The following SPIC variants were observed in gnomAD, a reference collection of about 807,000 sequenced individuals.
The protein encoded by SPIC is transcription factor Spi-C.
In SPIC, 9 loss-of-function variants were observed where a neutral mutation model predicts 16.7. That is an observed-to-expected ratio of 0.54 (90% CI 0.33 to 0.94). The LOEUF is 0.94. Ranked by LOEUF, SPIC falls within the 40% of genes least tolerant of loss-of-function variation. SPIC has a pLI of 0.03. For synonymous variants in SPIC, 97 were observed against 102.9 expected, an observed-to-expected ratio of 0.94 and a Z score of 0.35; for missense variants, 241 against 285.8, an observed-to-expected ratio of 0.84 and a Z score of 1.13.
At chr12:101,481,883 C>T (rs1489679176) in intron 4 of SPIC, among the ~76,000 whole-genome samples, 1 of 144,350 alleles carries the variant, frequency 6.9e-6, no homozygotes, top group African/African-American at 2.5e-5. Flanking sequence ...GAACTCTTGA[C>T]TTCAGGCGAT....
intron 4 of SPIC, among the ~76,000 whole-genome samples, chr12:101,480,368 G>C (rs950955397): frequency 2.0e-5 from 3 of 152,158 alleles, no homozygotes; most frequent in African/African-American, 7.2e-5. Context: ...CCCTGCACTG[G>C]TTTTACCTAC....
chr12:101,478,194 T>G (rs1254028585), intron 3 of SPIC, among the ~76,000 whole-genome samples: 2 of 151,470 alleles, frequency 1.3e-5, no homozygotes, highest in South Asian at 2.1e-4. Context: ...ACCATGCCCA[T>G]CTAATTTTTT....
rs755087495 is a variant in SPIC, at chr12:101,486,736, GCCAATTA to G, written c.716_722del (p.Asn239MetfsTer3). 3.6e-5 allele frequency: 58 copies of G among 1,592,112 alleles called. No homozygotes were observed. In the African/African-American group the frequency reaches 7.7e-4, roughly 21 times the overall value. ...GAATGCAAATTATAATTATACATAT[GCCAATTA>G]CCATGAGCTAAATCACCATGATTGC... On this transcript the variant is annotated frameshift_variant, in exon 6 of 6. Coordinates refer to ENST00000551346, the MANE Select transcript of SPIC (RefSeq NM_152323.3). LOFTEE classifies it low-confidence loss of function (END_TRUNC).
At position 101,486,669 on chromosome 12, in the gene SPIC, G is replaced by C. The variant is rs141942673; in HGVS notation, c.645G>C (p.Gln215His). The change falls in exon 6 of 6, where the codon CAG becomes CAC. Residue 215 changes from glutamine to histidine, a missense_variant. By Grantham distance (24) the Gln-to-His change is conservative. Transcript: ENST00000551346. Reference protein sequence around the residue: ...YFLGKEIFYSQCVQPDQEYLS... With the variant: ...YFLGKEIFYSHCVQPDQEYLS... ...TGGGGAAAGAGATCTTCTATTCACAGTGTGTTCAACCTGATCAAGAATATC... is the reference window on the plus strand; with the variant it reads ...TGGGGAAAGAGATCTTCTATTCACACTGTGTTCAACCTGATCAAGAATATC... The C allele has an allele frequency of 2.0e-5, 33 of 1,613,804 alleles. No homozygotes were observed. In the African/African-American group the frequency reaches 3.7e-4, roughly 18 times the overall value.
intron 3 of SPIC, 61 bp from the exon 4 acceptor site, chr12:101,479,519 CAT>C: frequency 2.4e-6 from 3 of 1,231,718 alleles, no homozygotes; most frequent in African/African-American, 1.5e-5. Context: ...TATATACACA[CAT>C]ATTTATATGC....
Position 101,486,911 on chromosome 12 carries a change from T to G in SPIC, c.*140T>G, listed in dbSNP as rs1231699187. The G allele has an allele frequency of 3.0e-6, 2 of 674,658 alleles. No homozygotes were observed. Among genetic ancestry groups the G allele is most frequent in the African/African-American group, 3.6e-5 (2 of 55,318 alleles). The allele number at this position is 674,658 out of a possible 1,614,324, so 41.8% of individuals were successfully genotyped here. A position where few individuals can be genotyped will look rare whatever the true frequency, so the allele number is the denominator to read the frequency against. ...AGCAAATACTAAAGAGGAAAAAAAA[T>G]TAACTTTATTGTTGCTTTTATCAAA... On this transcript the variant is annotated 3_prime_UTR_variant, in exon 6 of 6. Coordinates refer to ENST00000551346, the MANE Select transcript of SPIC (RefSeq NM_152323.3).
chr12:101,476,576 A>G (rs1031780085), intron 1 of SPIC, among the ~76,000 whole-genome samples: 7 of 152,128 alleles, frequency 4.6e-5, no homozygotes, highest in Non-Finnish European at 4.4e-5. Flanking sequence ...ACTTTCTCTT[A>G]TCAATCAAGC....
At chr12:101,479,732 C>G (rs376103421) in intron 4 of SPIC, 38 bp downstream of exon 4, 1 of 1,443,394 alleles carries the variant, frequency 6.9e-7, no homozygotes. Context: ...AGGCAAATAT[C>G]CTATTCTTGC....
At position 101,477,665 on chromosome 12, in the gene SPIC, A is replaced by T; in HGVS notation, c.97+14A>T. On this transcript the variant is annotated intron_variant, in intron 3 of 5. Coordinates refer to ENST00000551346, the MANE Select transcript of SPIC (RefSeq NM_152323.3). ...AGTACTCGCCAGGTAAAGATGAGTC[A>T]TTTACCCTCTTCTGCTGGTACATCA... 1 of 1,600,690 alleles carries T rather than the reference A, an allele frequency of 6.2e-7. No individual in the cohort carries two copies. Among genetic ancestry groups the T allele is most frequent in the East Asian group, 2.2e-5 (1 of 44,816 alleles).
chr12:101,482,602 C>T (rs190695150), intron 4 of SPIC, among the ~76,000 whole-genome samples, 190 bp from the exon 5 acceptor site: 3 of 152,186 alleles, frequency 2.0e-5, no homozygotes, highest in Admixed American at 2.0e-4. Context: ...TACCCTCTGT[C>T]CCCTGGTCCT....
chr12:101,475,560 T>G (rs1401115648), intron 1 of SPIC, 58 bp downstream of exon 1: 2 of 152,206 alleles, frequency 1.3e-5, no homozygotes, highest in Non-Finnish European at 2.9e-5. Context: ...ATTTTTTCCT[T>G]TGGCCTAATG....
chr12:101,479,178 AAG>A (rs1873064133), intron 3 of SPIC, among the ~76,000 whole-genome samples: 1 of 99,552 alleles, frequency 1.0e-5, no homozygotes, highest in South Asian at 4.1e-4. Context: ...AAGAAAAAGA[AAG>A]AAAGAAAGAA....
At chr12:101,483,122 CTG>C (rs1486882324) in intron 5 of SPIC, among the ~76,000 whole-genome samples, 2 of 141,704 alleles carry the variant, frequency 1.4e-5, no homozygotes, top group Admixed American at 7.3e-5. Flanking sequence ...GAGTCTCACT[CTG>C]TTGTCCAGGC....
At chr12:101,479,300 GAAAGAAA>G (rs757923598) in intron 3 of SPIC, among the ~76,000 whole-genome samples, 2,868 of 76,596 alleles carry the variant, frequency 0.037, 368 homozygotes, top group African/African-American at 0.15. Flanking sequence ...AAGAAAGAAA[GAAAGAAA>G]AAAGAAAGAA....
chr12:101,480,550 C>T (rs767761537), intron 4 of SPIC, among the ~76,000 whole-genome samples: 1 of 152,206 alleles, frequency 6.6e-6, no homozygotes, highest in African/African-American at 2.4e-5. Context: ...TTTTATCAAG[C>T]GGTCTTCATG....
intron 3 of SPIC, among the ~76,000 whole-genome samples, chr12:101,478,787 G>T (rs552549466): frequency 1.3e-5 from 2 of 152,110 alleles, no homozygotes; most frequent in African/African-American, 4.8e-5. Flanking sequence ...TAAATAGAAT[G>T]CAAATATGTT....
At chr12:101,479,074 C>T (rs184977715) in intron 3 of SPIC, among the ~76,000 whole-genome samples, 52 of 149,310 alleles carry the variant, frequency 3.5e-4, no homozygotes, top group Non-Finnish European at 4.4e-4. Context: ...GAGGCACAGG[C>T]TGCAGTGAAC....
rs199501054 is a variant in SPIC, at chr12:101,479,172, A to AAAAGAAAGAAAGAAAGAAAG, written c.98-379_98-360dup. ...AAGAAAGAAAAGAAAGAAAGAAAGA[A>AAAAGAAAGAAAGAAAGAAAG]AAAGAAAGAAAGAAAGAAAGAAAGA... On this transcript the variant is annotated intron_variant, in intron 3 of 5. Coordinates refer to ENST00000551346, the MANE Select transcript of SPIC (RefSeq NM_152323.3). 3.3e-3 allele frequency among the ~76,000 whole-genome samples: 271 copies of AAAAGAAAGAAAGAAAGAAAG among 82,914 alleles called. 6 individuals carry two copies. Among genetic ancestry groups the AAAAGAAAGAAAGAAAGAAAG allele is most frequent in the East Asian group, 7.3e-3 (22 of 3,010 alleles). 54.4% of individuals were successfully genotyped at this position (82,914 alleles called of 152,430 possible).
chr12:101,485,522 G>A (rs541791533), intron 5 of SPIC, among the ~76,000 whole-genome samples: 1 of 152,240 alleles, frequency 6.6e-6, no homozygotes, highest in Non-Finnish European at 1.5e-5. Flanking sequence ...ATTTCCATAT[G>A]AGTTTTTCTC....
Sources: gnomAD v4.1 joint callset for allele counts (sites outside exome capture counted in the v4.1 genomes callset) on GRCh38, gnomAD v4.1.1 for gene constraint, MANE v1.5 for transcripts, NCBI Gene and HGNC (gene_info 2026-07-23, HGNC 2026-07-21) for gene names.